Variants in PCMT1 observed in about 807,000 individuals in gnomAD.
PCMT1 encodes protein-L-isoaspartate(D-aspartate) O-methyltransferase.
In PCMT1, 9 loss-of-function variants were observed where a neutral mutation model predicts 29.2. The ratio of observed to expected loss-of-function variants is 0.31; its 90% CI spans 0.19 to 0.54. The LOEUF (loss-of-function observed/expected upper bound fraction) is 0.54, where lower values mean the gene tolerates loss of function less well. Ranked by LOEUF, PCMT1 falls within the 20% of genes least tolerant of loss-of-function variation. The pLI is 0.95. For synonymous variants in PCMT1, 98 were observed against 97.5 expected, an observed-to-expected ratio of 1.00 and a Z score of -0.03; for missense variants, 184 against 282.2, an observed-to-expected ratio of 0.65 and a Z score of 2.49.
At chr6:149,798,548 T>C (rs1293285583) in intron 6 of PCMT1, among the ~76,000 whole-genome samples, 4 of 152,230 alleles carry the variant, frequency 2.6e-5, no homozygotes, top group Admixed American at 6.5e-5. Context: ...AGTTTTAAGA[T>C]AGCAGAATGA....
At chr6:149,769,308 C>CTTTGTTTTTTTTTTTT (rs1787214605) in intron 1 of PCMT1, among the ~76,000 whole-genome samples, 1 of 71,560 alleles carries the variant, frequency 1.4e-5, no homozygotes, top group Non-Finnish European at 2.2e-5. Flanking sequence ...GTGCAGGATT[C>CTTTGTTTTTTTTTTTT]TTTTTTTTTT....
rs1350704904 is a variant in PCMT1, at chr6:149,762,966, GATATATATGATATATATATCTA to G, written c.56-8195_56-8174del. Among the ~76,000 whole-genome samples the G allele has an allele frequency of 1.1e-4, 6 of 52,866 alleles. 3 individuals carry two copies. In the Admixed American group the frequency reaches 1.3e-3, roughly 12 times the overall value. The allele number at this position is 52,866 out of a possible 152,430, so 34.7% of individuals were successfully genotyped here. On this transcript the variant is annotated intron_variant, in intron 1 of 7. Coordinates refer to ENST00000464889, the MANE Select transcript of PCMT1 (RefSeq NM_001360452.2). Reference sequence around the variant, plus strand: ...ATATATCTATGATATGTATATCTATGATATATATGATATATATATCTATGATATATATGATATATATATCTAT... The same window carrying G: ...ATATATCTATGATATGTATATCTATGTGATATATATGATATATATATCTAT...
rs374644536 is a variant in PCMT1, at chr6:149,811,044, G to T, written c.*466G>T. The T allele has an allele frequency of 4.2e-4, 67 of 159,318 alleles. No individual in the cohort carries two copies. In the South Asian group the frequency reaches 0.012, roughly 30 times the overall value. 9.9% of individuals were successfully genotyped at this position (159,318 alleles called of 1,614,324 possible). Reference sequence around the variant, plus strand: ...CACAAGTTAAGATTCTTGGTATTTGGATATCTGTTAGATGCTACTAAGAAA... The same window carrying T: ...CACAAGTTAAGATTCTTGGTATTTGTATATCTGTTAGATGCTACTAAGAAA... On this transcript the variant is annotated 3_prime_UTR_variant, in exon 8 of 8. Coordinates refer to ENST00000464889, the MANE Select transcript of PCMT1 (RefSeq NM_001360452.2).
chr6:149,785,949 G>A (rs1490756254), intron 3 of PCMT1, among the ~76,000 whole-genome samples: 2 of 150,950 alleles, frequency 1.3e-5, no homozygotes, highest in African/African-American at 2.4e-5. Context: ...GGTGGTGGCC[G>A]GGCAGAGGGG....
At chr6:149,778,370 A>G (rs1357834144) in intron 3 of PCMT1, among the ~76,000 whole-genome samples, 1 of 151,694 alleles carries the variant, frequency 6.6e-6, no homozygotes, top group Non-Finnish European at 1.5e-5. Flanking sequence ...CTAGGATTAC[A>G]AGTGTGCACC....
At chr6:149,773,058 A>T in intron 2 of PCMT1, 80 bp from the exon 3 acceptor site, 14 of 933,258 alleles carry the variant, frequency 1.5e-5, no homozygotes, top group Non-Finnish European at 2.2e-5. Context: ...AAAATAACGT[A>T]TGGATGGTAG....
At chr6:149,783,553 T>A (rs9767122) in intron 3 of PCMT1, among the ~76,000 whole-genome samples, 3 of 152,042 alleles carry the variant, frequency 2.0e-5, no homozygotes, top group African/African-American at 7.2e-5. Context: ...TATTATATAC[T>A]TCTTAATGTG....
At chr6:149,802,482 C>T (rs1775867957) in intron 7 of PCMT1, 66 bp downstream of exon 7, 2 of 1,356,650 alleles carry the variant, frequency 1.5e-6, no homozygotes, top group African/African-American at 1.5e-5. Flanking sequence ...CCTTTATGCT[C>T]CTCCATTATA....
At chr6:149,802,675 AT>A in intron 7 of PCMT1, 1 of 241,728 alleles carries the variant, frequency 4.1e-6, no homozygotes, top group Non-Finnish European at 7.4e-6. Context: ...CTTTGTAAGG[AT>A]TTTTTCTTCA....
At position 149,769,308 on chromosome 6, in the gene PCMT1, CTTTTTT is replaced by C. The variant is rs372773939; in HGVS notation, c.56-1835_56-1830del. On this transcript the variant is annotated intron_variant, in intron 1 of 7. Transcript: ENST00000464889. ...AGTTAGCACCTATTTGTGCAGGATT[CTTTTTT>C]TTTTTTTTTTTTTTTTTTGAGACTG... 2.8e-3 allele frequency among the ~76,000 whole-genome samples: 199 copies of C among 71,544 alleles called. 7 individuals carry two copies. The highest frequency in any genetic ancestry group is 0.016 in the African/African-American group (182 of 11,694). The allele number at this position is 71,544 out of a possible 152,430, so 46.9% of individuals were successfully genotyped here. A position where few individuals can be genotyped will look rare whatever the true frequency, so the allele number is the denominator to read the frequency against.
At chr6:149,749,994 C>A in intron 1 of PCMT1, 38 bp downstream of exon 1, 1 of 1,586,536 alleles carries the variant, frequency 6.3e-7, no homozygotes, top group African/African-American at 1.3e-5. Flanking sequence ...GCAGCTGGGG[C>A]AGGCTGGGCC....
At chr6:149,799,516 CTCTT>C (rs1788739319) in intron 6 of PCMT1, among the ~76,000 whole-genome samples, 1 of 152,214 alleles carries the variant, frequency 6.6e-6, no homozygotes, top group Non-Finnish European at 1.5e-5. Context: ...AAATCTCCAT[CTCTT>C]TCTTTTAATA....
intron 3 of PCMT1, among the ~76,000 whole-genome samples, chr6:149,781,114 C>A (rs977632617): frequency 4.0e-5 from 6 of 150,510 alleles, no homozygotes; most frequent in Admixed American, 3.3e-4. Flanking sequence ...TGATGTTGAG[C>A]GTCTTTTCAT....
intron 3 of PCMT1, among the ~76,000 whole-genome samples, chr6:149,776,286 T>TCA (rs1328187534): frequency 2.3e-5 from 1 of 43,768 alleles, no homozygotes; most frequent in Non-Finnish European, 3.4e-5. Flanking sequence ...CTTGCTCTGT[T>TCA]GCCCAGGCTG....
intron 1 of PCMT1, among the ~76,000 whole-genome samples, chr6:149,760,759 G>A (rs1254167755): frequency 1.1e-4 from 17 of 152,172 alleles, no homozygotes; most frequent in Non-Finnish European, 2.9e-5. Context: ...GGCTGAGGCA[G>A]GACAATCGCT....
At chr6:149,796,365 A>T in intron 5 of PCMT1, 50 bp from the exon 6 acceptor site, 1 of 1,288,184 alleles carries the variant, frequency 7.8e-7, no homozygotes, top group Non-Finnish European at 1.1e-6. Flanking sequence ...AATTCTTCAC[A>T]TTAAGTTTGA....
At chr6:149,756,512 CTTTT>C (rs61038108) in intron 1 of PCMT1, among the ~76,000 whole-genome samples, 29,617 of 74,604 alleles carry the variant, frequency 0.4, 6,786 homozygotes, top group East Asian at 0.77. Context: ...CCATGACTGG[CTTTT>C]TTTTTTTTTT....
At chr6:149,792,718 C>T (rs1788421662) in intron 4 of PCMT1, among the ~76,000 whole-genome samples, 1 of 152,052 alleles carries the variant, frequency 6.6e-6, no homozygotes, top group South Asian at 2.1e-4. Context: ...GGGGTTTTGC[C>T]ATGTTGCTCA....
intron 7 of PCMT1, among the ~76,000 whole-genome samples, chr6:149,805,467 A>G (rs1040561731): frequency 1.3e-5 from 2 of 151,642 alleles, no homozygotes; most frequent in Admixed American, 6.6e-5. Flanking sequence ...GGTGGCAGGT[A>G]CCTCTAGTCC....
Sources: gnomAD v4.1 joint callset for allele counts (sites outside exome capture counted in the v4.1 genomes callset) on GRCh38, gnomAD v4.1.1 for gene constraint, MANE v1.5 for transcripts, NCBI Gene and HGNC (gene_info 2026-07-23, HGNC 2026-07-21) for gene names.